The following BRD10 variants were observed in gnomAD, a reference collection of about 807,000 sequenced individuals.
The protein encoded by BRD10 is bromodomain containing 10, also known as uncharacterized bromodomain-containing protein 10.
the BRD10 span, among the ~76,000 whole-genome samples, chr9:6,001,792 C>A: frequency 6.6e-6 from 1 of 152,180 alleles, no homozygotes; most frequent in South Asian, 2.1e-4. Context: ...AGTTATCCCT[C>A]CTCTGCACAC....
the BRD10 span, among the ~76,000 whole-genome samples, chr9:5,896,546 A>T: frequency 3.9e-5 from 6 of 152,154 alleles, no homozygotes; most frequent in East Asian, 1.2e-3. Flanking sequence ...GCCTTAGTTA[A>T]ACCTTGCTTC....
the BRD10 span, among the ~76,000 whole-genome samples, chr9:5,961,389 T>G: frequency 6.6e-6 from 1 of 152,056 alleles, no homozygotes; most frequent in Non-Finnish European, 1.5e-5. Flanking sequence ...GTCTCTATAT[T>G]CTTTAAAGAA....
chr9:5,929,198 CTAAAAG>C, the BRD10 span: 4 of 1,040,582 alleles, frequency 3.8e-6, no homozygotes, highest in Non-Finnish European at 5.9e-6. Context: ...TAGATTTATT[CTAAAAG>C]TAAATGTCAA....
At chr9:5,921,614 T>A in the BRD10 span, 4 of 1,614,012 alleles carry the variant, frequency 2.5e-6, no homozygotes, top group Non-Finnish European at 3.4e-6. Flanking sequence ...TACATCTCCA[T>A]TTGTTGCTGC....
chr9:5,938,439 C>T, the BRD10 span, among the ~76,000 whole-genome samples: 1 of 151,976 alleles, frequency 6.6e-6, no homozygotes, highest in Non-Finnish European at 1.5e-5. Flanking sequence ...GAGCAAGGAG[C>T]CCCTATCTTA....
At chr9:5,990,728 A>G in the BRD10 span, among the ~76,000 whole-genome samples, 2 of 152,224 alleles carry the variant, frequency 1.3e-5, no homozygotes, top group African/African-American at 2.4e-5. Flanking sequence ...AAAAAGACTG[A>G]TATTACTCAG....
At chr9:5,984,650 A>C in the BRD10 span, among the ~76,000 whole-genome samples, 1 of 152,156 alleles carries the variant, frequency 6.6e-6, no homozygotes, top group African/African-American at 2.4e-5. Flanking sequence ...AGAGAAGACA[A>C]AAGGTTACTG....
the BRD10 span, among the ~76,000 whole-genome samples, chr9:5,956,471 A>G: frequency 3.3e-5 from 5 of 152,144 alleles, no homozygotes; most frequent in Admixed American, 6.5e-5. Context: ...CACATACAAG[A>G]CCTTGAGCAA....
the BRD10 span, among the ~76,000 whole-genome samples, chr9:5,971,489 T>C: frequency 1.3e-5 from 2 of 152,312 alleles, no homozygotes; most frequent in Admixed American, 1.3e-4. Flanking sequence ...TGGCTATTTT[T>C]CTATAAATCA....
At chr9:5,977,489 A>G in the BRD10 span, among the ~76,000 whole-genome samples, 3 of 152,304 alleles carry the variant, frequency 2.0e-5, no homozygotes, top group East Asian at 5.8e-4. Context: ...GAGTTAATAT[A>G]TATAATCAGC....
the BRD10 span, among the ~76,000 whole-genome samples, chr9:5,944,059 ATT>A: frequency 6.6e-6 from 1 of 152,186 alleles, no homozygotes; most frequent in African/African-American, 2.4e-5. Flanking sequence ...ACATATTTAT[ATT>A]AACAGGTTCT....
chr9:5,979,171 G>A, the BRD10 span, among the ~76,000 whole-genome samples: 126 of 152,242 alleles, frequency 8.3e-4, 1 homozygote, highest in Admixed American at 6.2e-3. Flanking sequence ...TTCCAGATCA[G>A]TAAAATACCA....
chr9:5,976,332 G>C, the BRD10 span, among the ~76,000 whole-genome samples: 1 of 152,176 alleles, frequency 6.6e-6, no homozygotes, highest in Non-Finnish European at 1.5e-5. Context: ...TACTGAGAAG[G>C]GTAGAATATT....
the BRD10 span, among the ~76,000 whole-genome samples, chr9:5,967,709 A>AAAC: frequency 1.3e-5 from 2 of 151,352 alleles, no homozygotes; most frequent in African/African-American, 4.9e-5. Flanking sequence ...AAAAAAAAAA[A>AAAC]AACACACATT....
At chr9:5,897,613 G>C in the BRD10 span, 1 of 1,614,140 alleles carries the variant, frequency 6.2e-7, no homozygotes, top group East Asian at 2.2e-5. Context: ...CTCATCGGCT[G>C]TTGGTATTGT....
chr9:5,999,743 C>T, the BRD10 span, among the ~76,000 whole-genome samples: 1 of 152,148 alleles, frequency 6.6e-6, no homozygotes, highest in Non-Finnish European at 1.5e-5. Flanking sequence ...ATATGGTGTT[C>T]TTATTGCCTG....
chr9:5,942,570 T>C, the BRD10 span, among the ~76,000 whole-genome samples: 2 of 152,218 alleles, frequency 1.3e-5, no homozygotes, highest in Admixed American at 1.3e-4. Context: ...CTTTTTGCTA[T>C]GTGGCTGTTT....
At chr9:5,941,773 A>T in the BRD10 span, among the ~76,000 whole-genome samples, 1 of 152,156 alleles carries the variant, frequency 6.6e-6, no homozygotes, top group Admixed American at 6.5e-5. Context: ...CTAAAAAATA[A>T]AGTTTACTAA....
the BRD10 span, chr9:5,924,939 TA>T: frequency 2.3e-6 from 2 of 884,394 alleles, no homozygotes; most frequent in African/African-American, 3.4e-5. Flanking sequence ...CATATGGAAA[TA>T]TTTTTTATTA....
Sources: allele counts gnomAD v4.1 joint callset (sites outside exome capture counted in the v4.1 genomes callset), GRCh38; gene constraint gnomAD v4.1.1; transcripts MANE v1.5; gene names NCBI Gene and HGNC (gene_info 2026-07-23, HGNC 2026-07-21).